The following SZT2 variants were observed in gnomAD, a reference collection of about 807,000 sequenced individuals.
The protein encoded by SZT2 is KICSTOR complex protein SZT2.
SZT2 carries 216 observed loss-of-function variants against 404.2 expected under a neutral mutation model. The ratio of observed to expected loss-of-function variants is 0.53; its 90% confidence interval spans 0.48 to 0.60. The LOEUF (loss-of-function observed/expected upper bound fraction) is 0.60, where lower values mean the gene tolerates loss of function less well. Ranked by LOEUF, SZT2 falls within the 20% of genes least tolerant of loss-of-function variation. The pLI is 0.00. For missense variants in SZT2, 3,857 were observed against 4,459.2 expected (o/e 0.86, Z 3.85); for synonymous variants, 1,693 against 1,749.9 (o/e 0.97, Z 0.81).
At chr1:43,436,249 T>C (rs1378599006) in intron 42 of SZT2, 1 of 152,212 alleles carries the variant, frequency 6.6e-6, no homozygotes, top group East Asian at 1.9e-4. Context: ...GACAAACGTT[T>C]CTGATATCTC....
chr1:43,438,658 C>G (rs775549008), intron 46 of SZT2, 41 bp from the exon 47 acceptor site: 10 of 1,584,680 alleles, frequency 6.3e-6, no homozygotes, highest in East Asian at 2.2e-5. Flanking sequence ...TAGCTGGATC[C>G]TCTACCAGTG....
chr1:43,403,381 G>A, intron 2 of SZT2, 79 bp downstream of exon 2: 1 of 1,543,018 alleles, frequency 6.5e-7, no homozygotes, highest in South Asian at 1.2e-5. Flanking sequence ...GAAACAGACA[G>A]GGTGGGAGAC....
intron 1 of SZT2, among the ~76,000 whole-genome samples, chr1:43,390,340 C>T (rs1648137342): frequency 6.6e-6 from 1 of 152,220 alleles, no homozygotes; most frequent in Non-Finnish European, 1.5e-5. Flanking sequence ...ATTTACTTTG[C>T]TGGTTTTTGC....
At chr1:43,429,866 A>G (rs2153933750) in intron 29 of SZT2, 22 bp downstream of exon 29, 6 of 1,613,884 alleles carry the variant, frequency 3.7e-6, no homozygotes, top group Non-Finnish European at 4.2e-6. Context: ...GGGTGAGGGT[A>G]GAAGAGGTGT....
chr1:43,451,467 G>A lies in SZT2; in HGVS notation c.*987G>A, dbSNP rs752437218. The A allele has an allele frequency of 4.3e-6, 7 of 1,614,076 alleles. No individual in the cohort carries two copies. The highest frequency in any genetic ancestry group is 5.9e-6 in the Non-Finnish European group (7 of 1,180,028). The stretch of plus-strand genomic sequence containing the variant: ...TTGTAGCCTTCATCTTCCAGCAGTT[G>A]AAACAGATAGGGGAAATTCAGCTCT... On this transcript the variant is annotated 3_prime_UTR_variant, in exon 72 of 72. Transcript: ENST00000634258.
At chr1:43,404,981 A>C (rs1263475513) in intron 4 of SZT2, 1 of 153,912 alleles carries the variant, frequency 6.5e-6, no homozygotes, top group Non-Finnish European at 1.4e-5. Flanking sequence ...AATTGGTTTC[A>C]AGGATAGAGG....
intron 62 of SZT2, among the ~76,000 whole-genome samples, chr1:43,444,856 A>T (rs1570728444): frequency 6.6e-6 from 1 of 152,180 alleles, no homozygotes; most frequent in East Asian, 1.9e-4. Context: ...TTATCAAGGC[A>T]TGTTCTCCCT....
intron 1 of SZT2, among the ~76,000 whole-genome samples, chr1:43,397,221 A>G (rs189494804): frequency 3.3e-5 from 5 of 152,146 alleles, no homozygotes; most frequent in Admixed American, 3.3e-4. Context: ...CACCTGAGGT[A>G]GAAGTTCGAG....
chr1:43,437,762 C>T lies in SZT2; in HGVS notation c.6397-29C>T, dbSNP rs115967823. On this transcript the variant is annotated intron_variant, in intron 45 of 71. Coordinates refer to ENST00000634258, the MANE Select transcript of SZT2 (RefSeq NM_001365999.1). The surrounding 1 kb of genome is among the most constrained non-coding windows in gnomAD (Gnocchi z 5.3). ...CCTCTTGCACTTTGCTCTCTGGAACCGGGGCCCTGACCACAGTTTTCCCTG... is the reference window on the plus strand; with the variant it reads ...CCTCTTGCACTTTGCTCTCTGGAACTGGGGCCCTGACCACAGTTTTCCCTG... 0.016 allele frequency: 25,047 copies of T among 1,614,028 alleles called. 237 individuals are homozygous for T. The highest frequency in any genetic ancestry group is 0.019 in the Non-Finnish European group (21,873 of 1,179,938).
At chr1:43,402,665 G>A (rs1381735950) in intron 1 of SZT2, among the ~76,000 whole-genome samples, 1 of 152,228 alleles carries the variant, frequency 6.6e-6, no homozygotes, top group Admixed American at 6.5e-5. Flanking sequence ...ACTGAGAAGT[G>A]CGGGGGTGGG....
chr1:43,407,292 C>T (rs1557518681), intron 4 of SZT2, among the ~76,000 whole-genome samples: 2 of 152,058 alleles, frequency 1.3e-5, no homozygotes, highest in Non-Finnish European at 2.9e-5. Context: ...TCACATGAGG[C>T]CAAGCGTTTG....
Position 43,453,549 on chromosome 1 carries a change from C to A in SZT2, c.*3069C>A. 1 of 1,519,978 alleles carries A rather than the reference C, an allele frequency of 6.6e-7. No homozygotes were observed. Among genetic ancestry groups the A allele is most frequent in the African/African-American group, 1.4e-5 (1 of 72,540 alleles). The allele number at this position is 1,519,978 out of a possible 1,614,324, so 94.2% of individuals were successfully genotyped here. ...CGGCTCGGACACTCCCCTGCCCGCG[C>A]CCCGGCACCCCCCAGCCCTCCCAGC... On this transcript the variant is annotated 3_prime_UTR_variant, in exon 72 of 72. Transcript: ENST00000634258.
intron 7 of SZT2, 129 bp downstream of exon 7, chr1:43,416,770 G>A: frequency 1.4e-6 from 1 of 707,032 alleles, no homozygotes; most frequent in Non-Finnish European, 2.4e-6. Context: ...GGGGGAAGGA[G>A]TCATATCTAG....
chr1:43,437,431 C>G lies in SZT2; in HGVS notation c.6213C>G (p.Leu2071=). The G allele has an allele frequency of 6.2e-7, 1 of 1,614,118 alleles. No individual in the cohort carries two copies. Among genetic ancestry groups the G allele is most frequent in the Non-Finnish European group, 8.5e-7 (1 of 1,180,022 alleles). Residue 2071 remains leucine (L), a synonymous_variant, in exon 44 of 72, where the codon CTC becomes CTG. Transcript: ENST00000634258. The surrounding 1 kb of genome is among the most constrained non-coding windows in gnomAD (Gnocchi z 5.3). The part of the protein sequence containing the change: ...SRAIQALRSV[L]NAFSVVNRKN... ...CCATCCAGGCCCTGCGCTCTGTGCT[C>G]AATGCCTTCTCTGTGGTGAACCGGA...
rs752242169 is a variant in SZT2, at chr1:43,439,739, C to A, written c.7012C>A (p.Arg2338Ser). 6 of 1,605,358 alleles carry A rather than the reference C, an allele frequency of 3.7e-6. No homozygotes were observed. The highest frequency in any genetic ancestry group is 1.3e-5 in the African/African-American group (1 of 74,732). Reference sequence around the variant, plus strand: ...ATTTGAGCAACTGACCCAGGTCATCCGCTGCCCGGTTGTTGTGGACAGTTC... The same window carrying A: ...ATTTGAGCAACTGACCCAGGTCATCAGCTGCCCGGTTGTTGTGGACAGTTC... The part of the protein sequence containing the change: ...EEFEQLTQVI[R>S]CPVVVDSSSA... Residue 2338 changes from arginine (R) to serine (S), a missense_variant, in exon 50 of 72, where the codon CGC (arginine) becomes AGC (serine). By Grantham distance (110) the Arg-to-Ser change is moderately radical. This residue lies in a region of SZT2 where 573 missense variants were observed against 592.4 expected (regional missense o/e 0.97). Transcript: ENST00000634258. This position sits in a 1 kb window ranked among gnomAD's most constrained non-coding sequence, Gnocchi z 4.2.
chr1:43,402,673 G>A (rs1255023999), intron 1 of SZT2, among the ~76,000 whole-genome samples: 6 of 152,176 alleles, frequency 3.9e-5, no homozygotes, highest in Non-Finnish European at 5.9e-5. Flanking sequence ...GTGCGGGGGT[G>A]GGGACTGTGA....
chr1:43,432,489 A>T, intron 37 of SZT2, 28 bp from the exon 38 acceptor site: 3 of 1,579,222 alleles, frequency 1.9e-6, no homozygotes, highest in Non-Finnish European at 2.6e-6. Context: ...TGGGGCCTAT[A>T]CCTCAGTCCT....
In SZT2 at chr1:43,442,736, G is replaced by T. The variant is rs999087700; in HGVS notation, c.8152-83G>T. ...TGAGGGCAGAGGTAGTGGGGAGGGAGAGTCTGAGAGAGGAAGCCCTGGGAT... is the reference window on the plus strand; with the variant it reads ...TGAGGGCAGAGGTAGTGGGGAGGGATAGTCTGAGAGAGGAAGCCCTGGGAT... On this transcript the variant is annotated intron_variant, in intron 58 of 71. Transcript: ENST00000634258. The surrounding 1 kb of genome is among the most constrained non-coding windows in gnomAD (Gnocchi z 4.5). 5.9e-5 allele frequency: 90 copies of T among 1,534,058 alleles called. No individual in the cohort carries two copies. The highest frequency in any genetic ancestry group is 7.4e-5 in the Non-Finnish European group (85 of 1,142,826).
In SZT2 at chr1:43,446,494, G is replaced by A. The variant is rs932474732; in HGVS notation, c.9072+78G>A. 3 of 1,567,648 alleles carry A rather than the reference G, an allele frequency of 1.9e-6. No individual in the cohort carries two copies. In the African/African-American group the frequency reaches 4.1e-5, roughly 21 times the overall value. Reference sequence around the variant, plus strand: ...GCATGGCTCCATGTCCCATTTGCTGGGCAGTAGAGTAATGCAGTAGGCGGG... The same window carrying A: ...GCATGGCTCCATGTCCCATTTGCTGAGCAGTAGAGTAATGCAGTAGGCGGG... On this transcript the variant is annotated intron_variant, in intron 65 of 71. Coordinates refer to ENST00000634258, the MANE Select transcript of SZT2 (RefSeq NM_001365999.1).
Sources: allele counts gnomAD v4.1 joint callset (sites outside exome capture counted in the v4.1 genomes callset), GRCh38; gene constraint gnomAD v4.1.1; regional missense constraint gnomAD v4.1.1; non-coding constraint Gnocchi (gnomAD v3.1); transcripts MANE v1.5; gene names NCBI Gene and HGNC (gene_info 2026-07-23, HGNC 2026-07-21).